NELL2: variants seen among roughly 807,000 people sequenced by gnomAD.
The protein encoded by NELL2 is protein kinase C-binding protein NELL2.
NELL2 carries 41 observed loss-of-function variants against 109.6 expected under a neutral mutation model. The ratio of observed to expected loss-of-function variants is 0.37; its 90% CI spans 0.29 to 0.49. The LOEUF is 0.49. Ranked by LOEUF, NELL2 falls within the 20% of genes least tolerant of loss-of-function variation. The probability of loss-of-function intolerance (pLI) is 0.98; values close to 1 mark genes in which losing one functional copy is unlikely to be tolerated. For missense variants in NELL2, 900 were observed against 1,008.3 expected (o/e 0.89, Z 1.45); for synonymous variants, 355 against 344.7 (o/e 1.03, Z -0.33).
chr12:44,594,143 G>A (rs111316693), intron 15 of NELL2, among the ~76,000 whole-genome samples: 5,349 of 151,972 alleles, frequency 0.035, 338 homozygotes, highest in African/African-American at 0.12. Flanking sequence ...GCCTGTTGGG[G>A]GTGGCGGGAT....
intron 2 of NELL2, among the ~76,000 whole-genome samples, chr12:44,828,013 G>A (rs960930938): frequency 1.3e-5 from 2 of 152,026 alleles, no homozygotes; most frequent in East Asian, 1.9e-4. Context: ...TTTTGACTGG[G>A]GTGAGATGGT....
At chr12:44,858,012 G>A (rs541803957) in intron 2 of NELL2, among the ~76,000 whole-genome samples, 28 of 152,072 alleles carry the variant, frequency 1.8e-4, no homozygotes, top group Non-Finnish European at 3.5e-4. Context: ...CCACCTGAAA[G>A]CCCCTCAAAA....
intron 9 of NELL2, among the ~76,000 whole-genome samples, chr12:44,745,554 A>G (rs141377893): frequency 1.6e-3 from 249 of 152,300 alleles, no homozygotes; most frequent in African/African-American, 5.8e-3. Flanking sequence ...AGAAAACCCA[A>G]TCGTCTCAGC....
chr12:44,863,008 T>C (rs546345451), intron 2 of NELL2, among the ~76,000 whole-genome samples: 3 of 152,288 alleles, frequency 2.0e-5, no homozygotes, highest in East Asian at 3.9e-4. Flanking sequence ...GTTTGTTACA[T>C]AGGTATACAC....
At chr12:44,710,916 A>C (rs73276098) in intron 11 of NELL2, among the ~76,000 whole-genome samples, 3,604 of 152,128 alleles carry the variant, frequency 0.024, 135 homozygotes, top group African/African-American at 0.08. Context: ...GGAGAAATGA[A>C]AAACAAACAA....
intron 15 of NELL2, among the ~76,000 whole-genome samples, chr12:44,594,324 G>A (rs150013937): frequency 2.6e-4 from 39 of 151,678 alleles, no homozygotes; most frequent in African/African-American, 8.9e-4. Context: ...ATGTACACAA[G>A]AAATACTGAT....
At chr12:44,537,048 GAA>G (rs561639058) in intron 15 of NELL2, among the ~76,000 whole-genome samples, 1 of 123,484 alleles carries the variant, frequency 8.1e-6, no homozygotes, top group African/African-American at 2.9e-5. Flanking sequence ...TGTATGAATA[GAA>G]AAAAAAAAAC....
intron 15 of NELL2, among the ~76,000 whole-genome samples, chr12:44,536,277 A>G (rs1185656963): frequency 1.3e-5 from 2 of 152,052 alleles, no homozygotes; most frequent in Admixed American, 6.6e-5. Flanking sequence ...TCCACAATTT[A>G]TGAATTAAGT....
At chr12:44,746,910 A>C (rs1940395645) in intron 9 of NELL2, among the ~76,000 whole-genome samples, 1 of 152,206 alleles carries the variant, frequency 6.6e-6, no homozygotes, top group East Asian at 1.9e-4. Flanking sequence ...AGGGATCTAG[A>C]ACTAAAAATA....
Position 44,812,595 on chromosome 12 carries a change from G to C in NELL2, c.335+3391C>G, listed in dbSNP as rs1943214298. Among the ~76,000 whole-genome samples the C allele has an allele frequency of 2.0e-5, 3 of 152,122 alleles. No individual in the cohort carries two copies. The South Asian group carries it at 6.2e-4, about 31-fold the overall frequency. ...AAGAAAGCAGAAAATAATGAAATAA[G>C]TGTTTAGGCAATGATGAAACTAAAT... On this transcript the variant is annotated intron_variant, in intron 3 of 19. Coordinates refer to ENST00000429094, the MANE Select transcript of NELL2 (RefSeq NM_001145108.2).
At position 44,658,775 on chromosome 12, in the gene NELL2, C is replaced by T. The variant is rs1187825487; in HGVS notation, c.1444+6709G>A. Among the ~76,000 whole-genome samples the T allele has an allele frequency of 2.7e-5, 4 of 146,846 alleles. No homozygotes were observed. The East Asian group carries it at 8.4e-4, about 31-fold the overall frequency. On this transcript the variant is annotated intron_variant, in intron 13 of 19. Transcript: ENST00000429094. ...CCTGTAGTTCCAGCTACTCAGGAGT[C>T]TGAGGCAGGAGAATGTTGTGAACCC... is the stretch of plus-strand genomic sequence containing the variant.
At chr12:44,687,587 G>A (rs1948768018) in intron 12 of NELL2, among the ~76,000 whole-genome samples, 1 of 152,100 alleles carries the variant, frequency 6.6e-6, no homozygotes, top group Admixed American at 6.5e-5. Flanking sequence ...CTTTTTGAAA[G>A]CTAATGGATA....
intron 9 of NELL2, among the ~76,000 whole-genome samples, chr12:44,769,130 A>G (rs941941245): frequency 6.6e-6 from 1 of 152,120 alleles, no homozygotes; most frequent in African/African-American, 2.4e-5. Context: ...TAAGTACTTG[A>G]GCAGCAATCA....
At chr12:44,794,251 T>C (rs1268172391) in intron 3 of NELL2, among the ~76,000 whole-genome samples, 1 of 152,216 alleles carries the variant, frequency 6.6e-6, no homozygotes, top group Non-Finnish European at 1.5e-5. Flanking sequence ...AGGATTTGAA[T>C]GAGCTGACTT....
chr12:44,757,688 G>C (rs1343012942), intron 9 of NELL2, among the ~76,000 whole-genome samples: 1 of 152,074 alleles, frequency 6.6e-6, no homozygotes, highest in Non-Finnish European at 1.5e-5. Flanking sequence ...ATGGTAATAG[G>C]TGCCAAAATT....
At chr12:44,740,827 C>T (rs996861687) in intron 9 of NELL2, among the ~76,000 whole-genome samples, 7 of 152,150 alleles carry the variant, frequency 4.6e-5, no homozygotes, top group African/African-American at 1.4e-4. Context: ...CAAAATGGAA[C>T]ACCAGAAGCA....
upstream of NELL2, chr12:44,876,723 C>T: frequency 1.9e-6 from 3 of 1,545,096 alleles, no homozygotes; most frequent in Non-Finnish European, 2.6e-6. Flanking sequence ...GAGGGAAGCC[C>T]ATGTGCACTC....
At chr12:44,708,102 T>C (rs958526735) in intron 11 of NELL2, among the ~76,000 whole-genome samples, 2 of 152,160 alleles carry the variant, frequency 1.3e-5, no homozygotes, top group African/African-American at 2.4e-5. Flanking sequence ...ATAAAGGTTA[T>C]CCACATTATT....
chr12:44,637,940 C>A (rs1403487591), intron 13 of NELL2, among the ~76,000 whole-genome samples: 1 of 151,976 alleles, frequency 6.6e-6, no homozygotes, highest in East Asian at 1.9e-4. Flanking sequence ...CACATTGGTC[C>A]AACCTGTTTC....
Sources: gnomAD v4.1 joint callset for allele counts (sites outside exome capture counted in the v4.1 genomes callset) on GRCh38, gnomAD v4.1.1 for gene constraint, MANE v1.5 for transcripts, NCBI Gene and HGNC (gene_info 2026-07-23, HGNC 2026-07-21) for gene names.